The following PPM1N variants were observed in gnomAD, a reference collection of about 807,000 sequenced individuals.
PPM1N encodes the protein probable protein phosphatase 1N.
Under a neutral mutation model 32.6 loss-of-function variants are expected in PPM1N, and 35 were observed. The observed-to-expected ratio is 1.07, with a 90% confidence interval of 0.82 to 1.43. The LOEUF is 1.43. Ranked by LOEUF, PPM1N falls within the 40% of genes most tolerant of loss-of-function variation. The pLI is 0.00. For missense variants in PPM1N, 648 were observed against 606.6 expected (o/e 1.07, Z -0.72); for synonymous variants, 275 against 270.5 (o/e 1.02, Z -0.16).
chr19:45,499,320 C>T lies in PPM1N; in HGVS notation c.848C>T (p.Ala283Val), dbSNP rs1968369121. The change falls in exon 1 of 5, where the codon GCT becomes GTT. Residue 283 changes from alanine to valine, a missense_variant. Transcript: ENST00000451287. ...GGCGTCTGGGACACTGTGTCTGGTG[C>T]TGCCCTGGCGGGACTGGTGGCTTCA... The part of the protein sequence containing the change: ...SDGVWDTVSG[A>V]ALAGLVASRL... 1.2e-6 allele frequency: 2 copies of T among 1,612,958 alleles called. No individual in the cohort carries two copies. The highest frequency in any genetic ancestry group is 8.5e-7 in the Non-Finnish European group (1 of 1,179,848).
rs1452237383 is a variant in PPM1N, at chr19:45,499,023, G to A, written c.551G>A (p.Arg184His). ...TACCTGGCGCACTGCGGTGACTCCC[G>A]CGCGGTGCTGAGCCGCGCTGGCGCC... ...FLYLAHCGDS[R>H]AVLSRAGAVA... is the part of the protein sequence containing the mutation. Residue 184 changes from arginine to histidine, a missense_variant, in exon 1 of 5, where the codon CGC (arginine) becomes CAC (histidine). Arg to His is a conservative substitution (Grantham distance 29). Coordinates refer to ENST00000451287, the MANE Select transcript of PPM1N (RefSeq NM_001080401.2). 1.9e-6 allele frequency: 3 copies of A among 1,557,258 alleles called. No homozygotes were observed. Among genetic ancestry groups the A allele is most frequent in the South Asian group, 1.2e-5 (1 of 86,176 alleles).
chr19:45,500,559 C>T lies in PPM1N; in HGVS notation c.1161C>T (p.Cys387=), dbSNP rs901640440. The change falls in exon 3 of 5, where the codon TGC becomes TGT. Residue 387 remains cysteine (C), a splice_region_variant and synonymous_variant. Coordinates refer to ENST00000451287, the MANE Select transcript of PPM1N (RefSeq NM_001080401.2). ...TACCTCCTGGGGGAGGGCTGGACTG[C>T]AAGTGAGTTGGGGTGAGGAAGGGTG... is the stretch of plus-strand genomic sequence containing the variant. The part of the protein sequence containing the change: ...PDLPPGGGLD[C]KATVIAEVYS... 6.6e-7 allele frequency: 1 copy of T among 1,514,062 alleles called. No homozygotes were observed. 93.8% of individuals were successfully genotyped at this position (1,514,062 alleles called of 1,614,324 possible). A position where few individuals can be genotyped will look rare whatever the true frequency, so the allele number is the denominator to read the frequency against.
At chr19:45,499,649 T>G (rs755986993) in intron 1 of PPM1N, 2 of 1,548,624 alleles carry the variant, frequency 1.3e-6, no homozygotes, top group Admixed American at 2.0e-5. Context: ...AAGGGCGTGG[T>G]CTTTTGGAAA....
rs1177165570 is a variant in PPM1N at position 45,498,625 on chromosome 19, C to A, written c.153C>A (p.Arg51=). The A allele has an allele frequency of 2.8e-6, 4 of 1,414,806 alleles. No individual in the cohort carries two copies. The highest frequency in any genetic ancestry group is 3.7e-6 in the Non-Finnish European group (4 of 1,090,326). 87.6% of individuals were successfully genotyped at this position (1,414,806 alleles called of 1,614,324 possible). The change falls in exon 1 of 5, where the codon CGC becomes CGA. Residue 51 remains arginine, a synonymous_variant. Coordinates refer to ENST00000451287, the MANE Select transcript of PPM1N (RefSeq NM_001080401.2). Reference sequence around the variant, plus strand: ...GGTCTCTGTTGACAGCGCCGCGCCGCGCCCAGCGGCCGCACGGGGGTGCCG... The same window carrying A: ...GGTCTCTGTTGACAGCGCCGCGCCGAGCCCAGCGGCCGCACGGGGGTGCCG... The part of the protein sequence containing the change: ...GPRSLLTAPR[R]AQRPHGGAEA...
Position 45,500,495 on chromosome 19 carries a change from C to G in PPM1N, c.1097C>G (p.Thr366Arg). 6.2e-7 allele frequency: 1 copy of G among 1,611,372 alleles called. No individual in the cohort carries two copies. The highest frequency in any genetic ancestry group is 8.5e-7 in the Non-Finnish European group (1 of 1,178,772). Reference sequence around the variant, plus strand: ...GCTCAGAAGCCCCCCAGCCTGAACACAGTTTTCAGGACTCTGGCCTCAGAG... The same window carrying G: ...GCTCAGAAGCCCCCCAGCCTGAACAGAGTTTTCAGGACTCTGGCCTCAGAG... ...ASAQKPPSLN[T>R]VFRTLASEDI... Residue 366 changes from threonine (T) to arginine (R), a missense_variant, in exon 3 of 5, where the codon ACA becomes AGA. Physicochemically the swap from Thr to Arg is moderately conservative, Grantham distance 71 (BLOSUM62 -1). Coordinates refer to ENST00000451287, the MANE Select transcript of PPM1N (RefSeq NM_001080401.2).
At position 45,499,423 on chromosome 19, in the gene PPM1N, G is replaced by A. The variant is rs1240406832; in HGVS notation, c.939+12G>A. On this transcript the variant is annotated intron_variant, in intron 1 of 4. Coordinates refer to ENST00000451287, the MANE Select transcript of PPM1N (RefSeq NM_001080401.2). ...CGTGTCTGTGCAAGGTCCTGGGGGC[G>A]TGGCGTGGTACCTTTGGGGCTTGGT... The A allele has an allele frequency of 1.9e-6, 3 of 1,596,468 alleles. No homozygotes were observed. Among genetic ancestry groups the A allele is most frequent in the African/African-American group, 2.7e-5 (2 of 74,414 alleles).
chr19:45,499,385 C>T lies in PPM1N; in HGVS notation c.913C>T (p.Gln305Ter), dbSNP rs754279584. 8 of 1,606,296 alleles carry T rather than the reference C, an allele frequency of 5.0e-6. No individual in the cohort carries two copies. The African/African-American group carries it at 6.7e-5, about 13-fold the overall frequency. ...LGLAPELLCA[Q>*]LLDTCLCKGS... Reference sequence around the variant, plus strand: ...CCTGGCCCCAGAGCTTCTCTGCGCGCAGCTGTTGGACACGTGTCTGTGCAA... The same window carrying T: ...CCTGGCCCCAGAGCTTCTCTGCGCGTAGCTGTTGGACACGTGTCTGTGCAA... Residue 305 changes from glutamine to a stop codon, truncating the protein, a stop_gained, in exon 1 of 5, where the codon CAG (glutamine) becomes TAG (stop). Transcript: ENST00000451287. LOFTEE classifies it high-confidence loss of function.
At position 45,499,077 on chromosome 19, in the gene PPM1N, C is replaced by T; in HGVS notation, c.605C>T (p.Pro202Leu). The change falls in exon 1 of 5, where the codon CCC becomes CTC. Residue 202 changes from proline (P) to leucine (L), a missense_variant. Physicochemically the swap from Pro to Leu is moderately conservative, Grantham distance 98. Coordinates refer to ENST00000451287, the MANE Select transcript of PPM1N (RefSeq NM_001080401.2). ...GCCTTCAGCACAGAGGACCACCGGC[C>T]CCTTCGACCCCGGGAACGCGAGCGC... ...AVAFSTEDHR[P>L]LRPRERERIH... 1 of 1,516,026 alleles carries T rather than the reference C, an allele frequency of 6.6e-7. No homozygotes were observed. 93.9% of individuals were successfully genotyped at this position (1,516,026 alleles called of 1,614,324 possible).
chr19:45,499,532 G>T, intron 1 of PPM1N, 121 bp downstream of exon 1: 1 of 1,553,142 alleles, frequency 6.4e-7, no homozygotes. Context: ...GGAGGGGATA[G>T]GACTCAAGCG....
rs61574042 is a variant in PPM1N at position 45,502,308 on chromosome 19, G to GAA, written c.*248_*249dup. The GAA allele has an allele frequency of 7.3e-3, 197 of 26,840 alleles. 5 individuals carry two copies. Among genetic ancestry groups the GAA allele is most frequent in the Non-Finnish European group, 9.9e-3 (148 of 14,876 alleles). The allele number at this position is 26,840 out of a possible 1,614,324, so 1.7% of individuals were successfully genotyped here. A position where few individuals can be genotyped will look rare whatever the true frequency, so the allele number is the denominator to read the frequency against. ...GACCAAAAAGAAAAAAGCCCAAATC[G>GAA]AAAAAAAAAAAAAAAAAAAAAAAAA... On this transcript the variant is annotated 3_prime_UTR_variant, in exon 5 of 5. Coordinates refer to ENST00000451287, the MANE Select transcript of PPM1N (RefSeq NM_001080401.2).
chr19:45,501,653 CTT>C (rs1361834478), intron 4 of PPM1N, among the ~76,000 whole-genome samples: 1 of 152,148 alleles, frequency 6.6e-6, no homozygotes, highest in African/African-American at 2.4e-5. Context: ...TGAATGGTCT[CTT>C]TTTATTTTCT....
Position 45,498,537 on chromosome 19 carries a change from A to G in PPM1N, c.65A>G (p.Glu22Gly). The change falls in exon 1 of 5, where the codon GAG (glutamate) becomes GGG (glycine). Residue 22 changes from glutamate to glycine, a missense_variant. Physicochemically the swap from Glu to Gly is moderately conservative, Grantham distance 98. Transcript: ENST00000451287. ...LWTACKKKER[E>G]KEGREEEEEE... ...ACCGCTTGCAAGAAAAAGGAGAGGG[A>G]GAAGGAGGGGAGGGAGGAAGAGGAG... 1.4e-6 allele frequency: 2 copies of G among 1,435,462 alleles called. No individual in the cohort carries two copies. The highest frequency in any genetic ancestry group is 3.1e-5 in the Admixed American group (1 of 31,824). 88.9% of individuals were successfully genotyped at this position (1,435,462 alleles called of 1,614,324 possible). A position where few individuals can be genotyped will look rare whatever the true frequency, so the allele number is the denominator to read the frequency against.
rs1968420992 is a variant in PPM1N at position 45,502,014 on chromosome 19, C to T, written c.1225-3C>T. 6.7e-7 allele frequency: 1 copy of T among 1,498,376 alleles called. No homozygotes were observed. Among genetic ancestry groups the T allele is most frequent in the Admixed American group, 2.7e-5 (1 of 36,478 alleles). The allele number at this position is 1,498,376 out of a possible 1,614,324, so 92.8% of individuals were successfully genotyped here. ...TTACCTTCTCCCACATTTTGTGTTACAGAAGGGGCAGGATGGGGCTGGGAA... is the reference window on the plus strand; with the variant it reads ...TTACCTTCTCCCACATTTTGTGTTATAGAAGGGGCAGGATGGGGCTGGGAA... On this transcript the variant is annotated splice_region_variant and splice_polypyrimidine_tract_variant and intron_variant, in intron 4 of 4. Coordinates refer to ENST00000451287, the MANE Select transcript of PPM1N (RefSeq NM_001080401.2).
Position 45,498,599 on chromosome 19 carries a change from C to A in PPM1N, c.127C>A (p.Arg43=), listed in dbSNP as rs1318528441. The part of the protein sequence containing the change: ...EAGRRAPEGP[R]SLLTAPRRAQ... ...GGGGCGCAGGGCCCCCGAAGGGCCT[C>A]GGTCTCTGTTGACAGCGCCGCGCCG... The change falls in exon 1 of 5, where the codon CGG becomes AGG. Residue 43 remains arginine, a synonymous_variant. Coordinates refer to ENST00000451287, the MANE Select transcript of PPM1N (RefSeq NM_001080401.2). The A allele has an allele frequency of 1.2e-5, 18 of 1,454,102 alleles. No homozygotes were observed. Among genetic ancestry groups the A allele is most frequent in the Non-Finnish European group, 2.7e-6 (3 of 1,107,732 alleles). The allele number at this position is 1,454,102 out of a possible 1,614,324, so 90.1% of individuals were successfully genotyped here. A position where few individuals can be genotyped will look rare whatever the true frequency, so the allele number is the denominator to read the frequency against.
In PPM1N at chr19:45,498,757, C is replaced by T; in HGVS notation, c.285C>T (p.Gly95=). Residue 95 remains glycine, a synonymous_variant, in exon 1 of 5, where the codon GGC becomes GGT. Coordinates refer to ENST00000451287, the MANE Select transcript of PPM1N (RefSeq NM_001080401.2). The part of the protein sequence containing the change: ...TWLSLPGLPP[G]WALFAVLDGH... ...TTTCGTTACCTGGTCTGCCCCCGGG[C>T]TGGGCCTTGTTTGCCGTCCTCGACG... The T allele has an allele frequency of 6.4e-7, 1 of 1,559,044 alleles. No homozygotes were observed. The highest frequency in any genetic ancestry group is 1.7e-4 in the Middle Eastern group (1 of 5,974).
In PPM1N at chr19:45,499,210, C is replaced by T; in HGVS notation, c.738C>T (p.Pro246=). 2 of 1,566,778 alleles carry T rather than the reference C, an allele frequency of 1.3e-6. No homozygotes were observed. The highest frequency in any genetic ancestry group is 1.7e-6 in the Non-Finnish European group (2 of 1,161,984). Residue 246 remains proline (P), a synonymous_variant, in exon 1 of 5, where the codon CCC becomes CCT. Coordinates refer to ENST00000451287, the MANE Select transcript of PPM1N (RefSeq NM_001080401.2). The stretch of plus-strand genomic sequence containing the variant: ...ACAAGGAGGCTCCGGGGAGGCCCCC[C>T]GAGCTACAGCTCGTTTCTGCGGAGC... ...FTYKEAPGRP[P]ELQLVSAEPE...
Position 45,500,081 on chromosome 19 carries a change from G to C in PPM1N, c.1057+15G>C, listed in dbSNP as rs1211463477. 3 of 1,574,910 alleles carry C rather than the reference G, an allele frequency of 1.9e-6. No individual in the cohort carries two copies. Among genetic ancestry groups the C allele is most frequent in the Non-Finnish European group, 2.6e-6 (3 of 1,159,334 alleles). On this transcript the variant is annotated intron_variant, in intron 2 of 4. Coordinates refer to ENST00000451287, the MANE Select transcript of PPM1N (RefSeq NM_001080401.2). ...CAGAATCGCTGGTGAGCAGACTCTG[G>C]GGGCCCAGCTGGAGGGGTGGTTGGC...
rs2156917 is a variant in PPM1N, at chr19:45,502,113, C to T, written c.*28C>T. ...GCTGTTGTCCTTTGGGGATCCTTTG[C>T]TTCTCTGGGGCCTCAACAGAACTAA... On this transcript the variant is annotated 3_prime_UTR_variant, in exon 5 of 5. Transcript: ENST00000451287. 7,434 of 1,550,976 alleles carry T rather than the reference C, an allele frequency of 4.8e-3. 278 individuals carry two copies. The Admixed American group carries it at 0.077, about 16-fold the overall frequency.
At chr19:45,499,783 C>T in intron 1 of PPM1N, 166 bp from the exon 2 acceptor site, 1 of 1,497,546 alleles carries the variant, frequency 6.7e-7, no homozygotes, top group Non-Finnish European at 8.9e-7. Context: ...CAATTGGGAG[C>T]GCCTAGGACC....
Sources: gnomAD v4.1 joint callset for allele counts (sites outside exome capture counted in the v4.1 genomes callset) on GRCh38, gnomAD v4.1.1 for gene constraint, MANE v1.5 for transcripts, NCBI Gene and HGNC (gene_info 2026-07-23, HGNC 2026-07-21) for gene names.